Variants in NCOA7 observed in about 807,000 individuals in gnomAD.
The protein encoded by NCOA7 is 140 kDa estrogen receptor-associated protein.
In NCOA7, 45 loss-of-function variants were observed where a neutral mutation model predicts 104.3. The ratio of observed to expected loss-of-function variants is 0.43; its 90% CI spans 0.34 to 0.55. The LOEUF is 0.55. Among genes scored for constraint, NCOA7 ranks in the 20% least tolerant of loss-of-function variants. The pLI is 0.02. For synonymous variants in NCOA7, 398 were observed against 402.3 expected, an observed-to-expected ratio of 0.99 and a Z score of 0.13; for missense variants, 1,041 against 1,119.7, an observed-to-expected ratio of 0.93 and a Z score of 1.00.
intron 10 of NCOA7, among the ~76,000 whole-genome samples, chr6:125,907,987 C>T (rs1057402688): frequency 6.6e-6 from 1 of 152,170 alleles, no homozygotes; most frequent in African/African-American, 2.4e-5. Flanking sequence ...TAGAAACCTT[C>T]CTCCAGTGGT....
intron 13 of NCOA7, among the ~76,000 whole-genome samples, chr6:125,926,337 G>C (rs982495903): frequency 6.6e-6 from 1 of 151,656 alleles, no homozygotes; most frequent in Non-Finnish European, 1.5e-5. Flanking sequence ...GAGGGGGGTG[G>C]TGGAATTTTA....
chr6:125,788,839 G>A (rs552248462), upstream of NCOA7, among the ~76,000 whole-genome samples: 1 of 151,862 alleles, frequency 6.6e-6, no homozygotes, highest in Non-Finnish European at 1.5e-5. Context: ...ACTGCGCCTG[G>A]CCAGAAGACT....
At chr6:125,895,870 C>A (rs1288111574) in intron 10 of NCOA7, among the ~76,000 whole-genome samples, 1 of 152,024 alleles carries the variant, frequency 6.6e-6, no homozygotes, top group Non-Finnish European at 1.5e-5. Context: ...CACCAACCCT[C>A]ACCTCCAACA....
intron 3 of NCOA7, among the ~76,000 whole-genome samples, chr6:125,874,057 G>T (rs1043998873): frequency 2.0e-5 from 3 of 152,228 alleles, no homozygotes; most frequent in African/African-American, 7.2e-5. Context: ...GGATGTGGTG[G>T]CTGACACCTG....
chr6:125,917,231 CCAAA>C (rs983091112), intron 11 of NCOA7, among the ~76,000 whole-genome samples: 37 of 149,032 alleles, frequency 2.5e-4, no homozygotes, highest in African/African-American at 9.6e-4. Context: ...CAGATGATTT[CCAAA>C]CAGTTATGTT....
chr6:125,819,495 A>G (rs990051248), intron 2 of NCOA7, among the ~76,000 whole-genome samples: 4 of 152,030 alleles, frequency 2.6e-5, no homozygotes, highest in Admixed American at 6.6e-5. Flanking sequence ...GTTTTATAAC[A>G]GTTGTTAAAT....
intron 13 of NCOA7, among the ~76,000 whole-genome samples, chr6:125,925,512 A>G (rs998965062): frequency 1.3e-5 from 2 of 152,252 alleles, no homozygotes; most frequent in Non-Finnish European, 2.9e-5. Flanking sequence ...TAGAACAATC[A>G]TCAGGCAATT....
At chr6:125,845,885 CT>C (rs939262569) in intron 2 of NCOA7, among the ~76,000 whole-genome samples, 5 of 152,078 alleles carry the variant, frequency 3.3e-5, no homozygotes, top group African/African-American at 4.8e-5. Context: ...AGGGATTTTG[CT>C]TTTTTTGTTG....
rs1319055495 is a variant in NCOA7, at chr6:125,864,737, A to G, written c.271+9497A>G. 1.5e-5 allele frequency among the ~76,000 whole-genome samples: 2 copies of G among 137,396 alleles called. 1 individual carries two copies. Among genetic ancestry groups the G allele is most frequent in the Non-Finnish European group, 3.1e-5 (2 of 64,750 alleles). 90.1% of individuals were successfully genotyped at this position (137,396 alleles called of 152,430 possible). A position where few individuals can be genotyped will look rare whatever the true frequency, so the allele number is the denominator to read the frequency against. ...CCAGTGTCTTGATCTCGGACTTCCT[A>G]GTGTCCAGAACTCTGGGAGATAAAT... is the stretch of plus-strand genomic sequence containing the variant. On this transcript the variant is annotated intron_variant, in intron 3 of 15. Coordinates refer to ENST00000392477, the MANE Select transcript of NCOA7 (RefSeq NM_181782.5).
chr6:125,928,546 A>G lies in NCOA7; in HGVS notation c.2694-90A>G, dbSNP rs1383850257. 2.1e-6 allele frequency: 3 copies of G among 1,442,756 alleles called. No individual in the cohort carries two copies. The African/African-American group carries it at 4.3e-5, about 21-fold the overall frequency. The allele number at this position is 1,442,756 out of a possible 1,614,324, so 89.4% of individuals were successfully genotyped here. ...GTTTAGAATTTTGCCTGTCAGTAGT[A>G]TAAAGGAAAGAAGATGGGGGCAAGA... is the stretch of plus-strand genomic sequence containing the variant. On this transcript the variant is annotated intron_variant, in intron 15 of 15. Coordinates refer to ENST00000392477, the MANE Select transcript of NCOA7 (RefSeq NM_181782.5).
At chr6:125,907,882 G>T (rs1221956125) in intron 10 of NCOA7, among the ~76,000 whole-genome samples, 2 of 152,152 alleles carry the variant, frequency 1.3e-5, no homozygotes, top group African/African-American at 2.4e-5. Context: ...ACCAGCATTG[G>T]TTAAAACATA....
At chr6:125,840,962 G>A (rs1029995827) in intron 2 of NCOA7, among the ~76,000 whole-genome samples, 1 of 120,590 alleles carries the variant, frequency 8.3e-6, no homozygotes. Context: ...GCATGAACTT[G>A]GCTCACTGCA....
intron 1 of NCOA7, among the ~76,000 whole-genome samples, chr6:125,794,193 T>C (rs1248684287): frequency 6.6e-6 from 1 of 152,202 alleles, no homozygotes; most frequent in African/African-American, 2.4e-5. Flanking sequence ...GTACTTTCTA[T>C]AGTTTCTGTT....
Position 125,810,934 on chromosome 6 carries a change from C to A in NCOA7, c.-64-4357C>A, listed in dbSNP as rs552889805. The stretch of plus-strand genomic sequence containing the variant: ...GATGTCAACTATTGGATCATTTAAT[C>A]TTTTTCTCTTGTGCATATTTTCATT... On this transcript the variant is annotated intron_variant, in intron 1 of 15. Transcript: ENST00000392477. 4.6e-4 allele frequency among the ~76,000 whole-genome samples: 70 copies of A among 152,290 alleles called. No individual in the cohort carries two copies. In the South Asian group the frequency reaches 0.014, roughly 31 times the overall value.
intron 1 of NCOA7, among the ~76,000 whole-genome samples, chr6:125,796,042 A>G (rs111933437): frequency 1.2e-4 from 18 of 152,058 alleles, no homozygotes; most frequent in Middle Eastern, 3.4e-3. Flanking sequence ...ATGCTGTCCA[A>G]TTTTCATGAG....
rs1027535787 is a variant in NCOA7 at position 125,815,255 on chromosome 6, T to C, written c.-64-36T>C. 9.9e-6 allele frequency: 8 copies of C among 811,056 alleles called. No homozygotes were observed. The East Asian group carries it at 1.9e-4, about 19-fold the overall frequency. The allele number at this position is 811,056 out of a possible 1,614,324, so 50.2% of individuals were successfully genotyped here. On this transcript the variant is annotated intron_variant, in intron 1 of 15. Coordinates refer to ENST00000392477, the MANE Select transcript of NCOA7 (RefSeq NM_181782.5). ...TTTTCACATTGGCCAGTGTAAACTT[T>C]TAAGTTTACAGTTGCTTTGTTATCT...
intron 11 of NCOA7, among the ~76,000 whole-genome samples, chr6:125,919,824 G>A (rs905303701): frequency 2.6e-5 from 4 of 152,140 alleles, no homozygotes; most frequent in African/African-American, 9.7e-5. Context: ...GACGCCAGCG[G>A]GTACTTTGTA....
intron 2 of NCOA7, among the ~76,000 whole-genome samples, chr6:125,847,602 T>G (rs950431546): frequency 1.3e-5 from 2 of 152,218 alleles, no homozygotes; most frequent in Admixed American, 1.3e-4. Context: ...GTGGCTAATA[T>G]GTAGAAAGCT....
At chr6:125,808,638 A>G (rs1158083048) in intron 1 of NCOA7, among the ~76,000 whole-genome samples, 3 of 152,190 alleles carry the variant, frequency 2.0e-5, no homozygotes, top group Non-Finnish European at 4.4e-5. Flanking sequence ...CTGGGAATCT[A>G]TGTGATGATA....
Sources: gnomAD v4.1 joint callset for allele counts (sites outside exome capture counted in the v4.1 genomes callset) on GRCh38, gnomAD v4.1.1 for gene constraint, MANE v1.5 for transcripts, NCBI Gene and HGNC (gene_info 2026-07-23, HGNC 2026-07-21) for gene names.